MTUS1: variants seen among roughly 807,000 people sequenced by gnomAD.
The protein encoded by MTUS1 is microtubule associated scaffold protein 1.
MTUS1 carries 109 observed loss-of-function variants against 120.8 expected under a neutral mutation model. The observed-to-expected ratio is 0.90, with a 90% confidence interval of 0.77 to 1.06. MTUS1 has a LOEUF of 1.06. Among genes scored for constraint, MTUS1 ranks in the 50% least tolerant of loss-of-function variants. The probability of loss-of-function intolerance (pLI) is 0.00; values close to 1 mark genes in which losing one functional copy is unlikely to be tolerated. For missense variants in MTUS1, 2,210 were observed against 1,486.3 expected (o/e 1.49, Z -8.01); for synonymous variants, 737 against 550.5 (o/e 1.34, Z -4.74).
chr8:17,701,542 T>A (rs557514525), intron 6 of MTUS1, among the ~76,000 whole-genome samples: 195 of 152,256 alleles, frequency 1.3e-3, no homozygotes, highest in African/African-American at 4.6e-3. Flanking sequence ...AAACCTCATA[T>A]GTTCATCGTA....
Position 17,653,185 on chromosome 8 carries a change from C to T in MTUS1, c.3384+1G>A, listed in dbSNP as rs1197445236. On this transcript the variant is annotated splice_donor_variant, in intron 12 of 14. Transcript: ENST00000693296. LOFTEE classifies it high-confidence loss of function. ...CTGATAAAGGAGCACACACAACTTA[C>T]CAAATTTGCTTTTTCTCTTGCTCTT... 2 of 1,523,048 alleles carry T rather than the reference C, an allele frequency of 1.3e-6. No individual in the cohort carries two copies. Among genetic ancestry groups the T allele is most frequent in the East Asian group, 2.3e-5 (1 of 43,366 alleles). The allele number at this position is 1,523,048 out of a possible 1,614,324, so 94.3% of individuals were successfully genotyped here.
At chr8:17,781,212 T>C (rs1247702827) in intron 1 of MTUS1, among the ~76,000 whole-genome samples, 1 of 152,190 alleles carries the variant, frequency 6.6e-6, no homozygotes, top group Non-Finnish European at 1.5e-5. Context: ...GTTTCAAATA[T>C]CTCATAGCCA....
intron 1 of MTUS1, among the ~76,000 whole-genome samples, chr8:17,757,897 T>C (rs1434408734): frequency 6.6e-6 from 1 of 152,170 alleles, no homozygotes; most frequent in Non-Finnish European, 1.5e-5. Context: ...GGTCCAAATG[T>C]TCAAGCTAGG....
chr8:17,764,061 C>G (rs1365589092), intron 1 of MTUS1, among the ~76,000 whole-genome samples: 1 of 152,050 alleles, frequency 6.6e-6, no homozygotes, highest in Middle Eastern at 3.2e-3. Flanking sequence ...TAAATTATAC[C>G]TGAATGTTTT....
intron 2 of MTUS1, among the ~76,000 whole-genome samples, chr8:17,745,309 T>C (rs1329456290): frequency 2.0e-5 from 3 of 152,218 alleles, no homozygotes; most frequent in Non-Finnish European, 4.4e-5. Context: ...AGGGTTTGCA[T>C]ATAACCTATG....
chr8:17,688,164 G>T (rs530226032), intron 6 of MTUS1, among the ~76,000 whole-genome samples: 1 of 152,298 alleles, frequency 6.6e-6, no homozygotes, highest in African/African-American at 2.4e-5. Context: ...ACAGAATTTG[G>T]AAACGAACGT....
chr8:17,750,025 G>A (rs75418700), intron 2 of MTUS1, among the ~76,000 whole-genome samples: 6,178 of 152,226 alleles, frequency 0.041, 168 homozygotes, highest in African/African-American at 0.081. Flanking sequence ...AGTAAATGGT[G>A]GAGCTACAAT....
At chr8:17,680,877 G>T (rs553100457) in intron 7 of MTUS1, among the ~76,000 whole-genome samples, 1 of 152,018 alleles carries the variant, frequency 6.6e-6, no homozygotes, top group South Asian at 2.1e-4. Context: ...ATTGACTCCC[G>T]GGCCTTCGTT....
intron 5 of MTUS1, among the ~76,000 whole-genome samples, chr8:17,713,607 C>A (rs1821759200): frequency 6.6e-6 from 1 of 152,140 alleles, no homozygotes; most frequent in African/African-American, 2.4e-5. Context: ...GCCGGGAGAG[C>A]AGAGGCCAGA....
At chr8:17,734,125 T>G (rs1490201428) in intron 3 of MTUS1, 1 of 152,202 alleles carries the variant, frequency 6.6e-6, no homozygotes, top group Admixed American at 6.5e-5. Flanking sequence ...ACCTCTTCTA[T>G]TTGGCAGTTA....
At chr8:17,671,072 G>A (rs972208900) in intron 8 of MTUS1, among the ~76,000 whole-genome samples, 1 of 152,200 alleles carries the variant, frequency 6.6e-6, no homozygotes, top group East Asian at 1.9e-4. Context: ...GTAGGTTTTA[G>A]GAGTATATGT....
At chr8:17,675,146 T>C (rs1443767546) in intron 8 of MTUS1, 40 bp downstream of exon 8, 2 of 1,611,842 alleles carry the variant, frequency 1.2e-6, no homozygotes, top group Non-Finnish European at 1.7e-6. Flanking sequence ...GTGTTCCCCT[T>C]GTCCCATAAA....
intron 6 of MTUS1, among the ~76,000 whole-genome samples, chr8:17,689,432 T>C (rs990438732): frequency 6.6e-6 from 1 of 152,178 alleles, no homozygotes; most frequent in African/African-American, 2.4e-5. Context: ...AGAAAGCATA[T>C]TCATATAAAA....
At chr8:17,674,608 G>A (rs1812695933) in intron 8 of MTUS1, 1 of 986,066 alleles carries the variant, frequency 1.0e-6, no homozygotes, top group Non-Finnish European at 1.2e-6. Context: ...TGGGTGTTGA[G>A]ACATGTAAAC....
intron 3 of MTUS1, among the ~76,000 whole-genome samples, chr8:17,732,027 C>T (rs982954304): frequency 3.9e-5 from 6 of 152,174 alleles, no homozygotes; most frequent in Non-Finnish European, 7.3e-5. Flanking sequence ...ATGGGTGTCC[C>T]CATGAAAAAC....
intron 8 of MTUS1, among the ~76,000 whole-genome samples, chr8:17,669,769 C>T (rs1333611697): frequency 6.6e-6 from 1 of 152,172 alleles, no homozygotes; most frequent in Non-Finnish European, 1.5e-5. Flanking sequence ...CACATGAATC[C>T]AGGAGGTGGA....
chr8:17,767,291 G>C (rs1274486955), intron 1 of MTUS1, among the ~76,000 whole-genome samples: 1 of 151,036 alleles, frequency 6.6e-6, no homozygotes, highest in Non-Finnish European at 1.5e-5. Flanking sequence ...TTCATTTCTA[G>C]ACTGTTGATG....
At chr8:17,680,614 G>A (rs1248493207) in intron 7 of MTUS1, among the ~76,000 whole-genome samples, 1 of 152,028 alleles carries the variant, frequency 6.6e-6, no homozygotes, top group Non-Finnish European at 1.5e-5. Context: ...CTAGGAGCTT[G>A]CCATGTTTGT....
chr8:17,688,697 AG>A (rs1020927825), intron 6 of MTUS1, among the ~76,000 whole-genome samples: 6 of 152,258 alleles, frequency 3.9e-5, no homozygotes, highest in African/African-American at 1.4e-4. Context: ...TCTTACATAC[AG>A]TTTTTTAAAG....
Sources: gnomAD v4.1 joint callset for allele counts (sites outside exome capture counted in the v4.1 genomes callset) on GRCh38, gnomAD v4.1.1 for gene constraint, MANE v1.5 for transcripts, NCBI Gene and HGNC (gene_info 2026-07-23, HGNC 2026-07-21) for gene names.